VILL: variants seen among roughly 807,000 people sequenced by gnomAD.
VILL encodes villin like.
In VILL, 102 loss-of-function variants were observed where a neutral mutation model predicts 106.3. The observed-to-expected ratio is 0.96, with a 90% CI of 0.82 to 1.13. The LOEUF is 1.13. Among genes scored for constraint, VILL ranks in the 50% most tolerant of loss-of-function variants. VILL has a pLI of 0.00. For missense variants in VILL, 1,076 were observed against 1,116.6 expected (o/e 0.96, Z 0.52); for synonymous variants, 431 against 440.3 (o/e 0.98, Z 0.27).
rs570895169 is a variant in VILL at position 37,993,944 on chromosome 3, T to C, written c.107T>C (p.Phe36Ser). 3 of 1,614,184 alleles carry C rather than the reference T, an allele frequency of 1.9e-6. No homozygotes were observed. Among genetic ancestry groups the C allele is most frequent in the Admixed American group, 1.7e-5 (1 of 60,028 alleles). The change falls in exon 3 of 20, where the codon TTT becomes TCT. Residue 36 changes from phenylalanine (F) to serine (S), a missense_variant. Physicochemically the swap from Phe to Ser is radical, Grantham distance 155. Transcript: ENST00000383759. ...CCCGAGGGGGCTTACGGGAACTTTT[T>C]TGAGGAACACTGCTATGTCATCCTC... Reference protein sequence around the residue: ...PVPEGAYGNFFEEHCYVILHV... With the variant: ...PVPEGAYGNFSEEHCYVILHV...
At chr3:38,002,675 CAGAT>C in intron 14 of VILL, 100 bp downstream of exon 14, 2 of 1,352,556 alleles carry the variant, frequency 1.5e-6, no homozygotes, top group South Asian at 1.4e-5. Context: ...AGTCCAGCCT[CAGAT>C]AGGCCGATGG....
At chr3:37,994,492 G>A (rs770958503) in intron 4 of VILL, 26 bp downstream of exon 4, 2 of 1,601,062 alleles carry the variant, frequency 1.2e-6, no homozygotes. Context: ...ACCGGGGCAG[G>A]AGGGAGCCGT....
At chr3:38,004,018 A>C in intron 15 of VILL, 8 of 444,172 alleles carry the variant, frequency 1.8e-5, no homozygotes, top group Admixed American at 3.6e-5. Context: ...CTCCTAGGGA[A>C]ATTCATGGGG....
rs895827067 is a variant in VILL at position 37,997,186 on chromosome 3, G to A, written c.560G>A (p.Arg187Gln). Residue 187 changes from arginine (R) to glutamine (Q), a missense_variant and splice_region_variant, in exon 6 of 20, where the codon CGG (arginine) becomes CAG (glutamine). By Grantham distance (43) the Arg-to-Gln change is conservative. Transcript: ENST00000383759. This position sits in a 1 kb window ranked among gnomAD's most constrained non-coding sequence, Gnocchi z 4.7. ...AAGACCAGCATTTCTGAGAAGGCTC[G>A]GGTCAGTGTCTGCCCAAGGAACTGG... ...GPKTSISEKARGLALTYSLRD... is the reference protein window; with the variant it reads ...GPKTSISEKAQGLALTYSLRD... The A allele has an allele frequency of 1.7e-5, 28 of 1,613,902 alleles. No individual in the cohort carries two copies. Among genetic ancestry groups the A allele is most frequent in the African/African-American group, 6.7e-5 (5 of 74,928 alleles).
chr3:38,006,077 A>C, intron 17 of VILL, 103 bp downstream of exon 17: 1 of 1,593,356 alleles, frequency 6.3e-7, no homozygotes, highest in Non-Finnish European at 8.6e-7. Context: ...GGGGATTGCC[A>C]GTGTGTGCGA....
At chr3:37,993,806 C>T (rs1304457552) in intron 2 of VILL, 74 bp downstream of exon 2, 3 of 1,605,480 alleles carry the variant, frequency 1.9e-6, no homozygotes, top group African/African-American at 2.7e-5. Context: ...GCTTCTCCCG[C>T]CCCCAACTCA....
chr3:38,004,850 C>G (rs1699885710), intron 16 of VILL, among the ~76,000 whole-genome samples: 1 of 152,208 alleles, frequency 6.6e-6, no homozygotes, highest in Non-Finnish European at 1.5e-5. Context: ...TCACGTGATG[C>G]TAGAACTGGC....
rs1212469155 is a variant in VILL, at chr3:38,006,650, C to T, written c.2407C>T (p.His803Tyr). The T allele has an allele frequency of 1.2e-6, 2 of 1,613,574 alleles. No homozygotes were observed. Among genetic ancestry groups the T allele is most frequent in the Admixed American group, 1.7e-5 (1 of 60,028 alleles). Reference sequence around the variant, plus strand: ...GGGCCTGCGCCGGGAACAACTGATGCACCAGGCTGTTGAGGACCTGCCAGA... The same window carrying T: ...GGGCCTGCGCCGGGAACAACTGATGTACCAGGCTGTTGAGGACCTGCCAGA... ...NGGLRREQLM[H>Y]QAVEDLPEGV... The change falls in exon 19 of 20, where the codon CAC (histidine) becomes TAC (tyrosine). Residue 803 changes from histidine (H) to tyrosine (Y), a missense_variant. Coordinates refer to ENST00000383759, the MANE Select transcript of VILL (RefSeq NM_015873.4).
intron 14 of VILL, 32 bp downstream of exon 14, chr3:38,002,607 C>A: frequency 1.3e-6 from 2 of 1,597,738 alleles, no homozygotes; most frequent in Non-Finnish European, 1.7e-6. Context: ...TGATTCATGC[C>A]CAGATGTAGT....
chr3:38,006,467 C>T lies in VILL; in HGVS notation c.2224C>T (p.Leu742=), dbSNP rs761438179. 6.2e-7 allele frequency: 1 copy of T among 1,604,096 alleles called. No individual in the cohort carries two copies. The highest frequency in any genetic ancestry group is 8.5e-7 in the Non-Finnish European group (1 of 1,172,940). Residue 742 remains leucine (L), a synonymous_variant, in exon 19 of 20, where the codon CTA becomes TTA. Transcript: ENST00000383759. ...TGGACAGGAAGTCAACAACTTGCGGCTATCCAGATGGCCGGGCAATGGCAG... is the reference window on the plus strand; with the variant it reads ...TGGACAGGAAGTCAACAACTTGCGGTTATCCAGATGGCCGGGCAATGGCAG... The part of the protein sequence containing the change: ...EITAEVNNLR[L]SRWPGNGRAG...
chr3:37,989,265 T>C (rs776356972), upstream of VILL, among the ~76,000 whole-genome samples: 8 of 152,124 alleles, frequency 5.3e-5, no homozygotes, highest in Non-Finnish European at 8.8e-5. Flanking sequence ...CGATGTTAAA[T>C]GTGAGACCAA....
chr3:37,996,998 A>G, intron 5 of VILL, 79 bp from the exon 6 acceptor site: 1 of 1,296,268 alleles, frequency 7.7e-7, no homozygotes, highest in Non-Finnish European at 1.1e-6. Context: ...CTTCATGCAC[A>G]CGTGACACAT....
upstream of VILL, among the ~76,000 whole-genome samples, chr3:37,989,468 G>A (rs1213142490): frequency 6.6e-6 from 1 of 152,248 alleles, no homozygotes; most frequent in Non-Finnish European, 1.5e-5. Context: ...AGGCCTGAAG[G>A]AGACAGGTGG....
At chr3:38,002,983 C>T (rs765528326) in intron 14 of VILL, 185 bp from the exon 15 acceptor site, 8 of 763,884 alleles carry the variant, frequency 1.0e-5, no homozygotes, top group African/African-American at 1.8e-5. Flanking sequence ...CCCTGCGATC[C>T]AGATCAACTG....
intron 1 of VILL, among the ~76,000 whole-genome samples, chr3:37,991,588 T>C (rs554378639): frequency 6.8e-6 from 1 of 147,440 alleles, no homozygotes; most frequent in East Asian, 2.0e-4. Context: ...GCGTGGGGCA[T>C]GGGGAGAGAA....
intron 18 of VILL, 95 bp downstream of exon 18, chr3:38,006,347 G>T: frequency 6.2e-7 from 1 of 1,604,622 alleles, no homozygotes; most frequent in South Asian, 1.1e-5. Context: ...TTGTAAGTGG[G>T]AGGGGCTGCA....
rs558595471 is a variant in VILL, at chr3:37,998,430, T to C, written c.942+66T>C. 5.9e-4 allele frequency: 859 copies of C among 1,457,390 alleles called. No individual in the cohort carries two copies. Among genetic ancestry groups the C allele is most frequent in the Middle Eastern group, 2.6e-3 (14 of 5,476 alleles). The allele number at this position is 1,457,390 out of a possible 1,614,324, so 90.3% of individuals were successfully genotyped here. Reference sequence around the variant, plus strand: ...CCTGGGGTCTGAGTGGGGAGGCAGCTCCGCCCCAGGGTCTAAGGGAGGAAT... The same window carrying C: ...CCTGGGGTCTGAGTGGGGAGGCAGCCCCGCCCCAGGGTCTAAGGGAGGAAT... On this transcript the variant is annotated intron_variant, in intron 9 of 19. Transcript: ENST00000383759. This position sits in a 1 kb window ranked among gnomAD's most constrained non-coding sequence, Gnocchi z 4.1.
At chr3:38,005,376 T>C (rs1183032220) in intron 16 of VILL, among the ~76,000 whole-genome samples, 1 of 152,148 alleles carries the variant, frequency 6.6e-6, no homozygotes, top group African/African-American at 2.4e-5. Flanking sequence ...ACCGGTTGTT[T>C]CTTCTGGTTA....
chr3:38,004,453 T>C, intron 16 of VILL, 54 bp downstream of exon 16: 3 of 1,577,172 alleles, frequency 1.9e-6, no homozygotes, highest in East Asian at 2.3e-5. Context: ...TGTTTCTGTT[T>C]GTGTAACTGG....
Sources: allele counts gnomAD v4.1 joint callset (sites outside exome capture counted in the v4.1 genomes callset), GRCh38; gene constraint gnomAD v4.1.1; non-coding constraint Gnocchi (gnomAD v3.1); transcripts MANE v1.5; gene names NCBI Gene and HGNC (gene_info 2026-07-23, HGNC 2026-07-21).